Variants in SHISA9 observed in about 807,000 individuals in gnomAD.
SHISA9 encodes the protein protein shisa-9.
SHISA9 carries 13 observed loss-of-function variants against 38.0 expected under a neutral mutation model. That is an observed-to-expected ratio of 0.34 (90% confidence interval 0.22 to 0.54). SHISA9 has a LOEUF of 0.54. Among genes scored for constraint, SHISA9 ranks in the 20% least tolerant of loss-of-function variants. The pLI is 0.91. For missense variants in SHISA9, 538 were observed against 575.8 expected (o/e 0.93, Z 0.67); for synonymous variants, 275 against 242.0 (o/e 1.14, Z -1.27).
intron 2 of SHISA9, among the ~76,000 whole-genome samples, chr16:13,190,831 A>G (rs1268210068): frequency 6.6e-6 from 1 of 151,914 alleles, no homozygotes; most frequent in East Asian, 1.9e-4. Flanking sequence ...TTTTTTTTTT[A>G]AGTTTTCATG....
At chr16:13,254,652 A>G in the SHISA9 span, among the ~76,000 whole-genome samples, 23 of 152,360 alleles carry the variant, frequency 1.5e-4, no homozygotes, top group East Asian at 3.9e-3. Flanking sequence ...TCTTGGCCCC[A>G]CTAATCACCT....
the SHISA9 span, among the ~76,000 whole-genome samples, chr16:13,338,550 G>T: frequency 6.6e-6 from 1 of 152,250 alleles, no homozygotes; most frequent in South Asian, 2.1e-4. Flanking sequence ...GAAGGGTTTG[G>T]GAGATGGCCA....
the SHISA9 span, among the ~76,000 whole-genome samples, chr16:13,360,273 C>T: frequency 3.5e-4 from 54 of 152,318 alleles, no homozygotes; most frequent in East Asian, 1.2e-3. Context: ...TGCTCACTGA[C>T]GGTGTCCCAC....
At chr16:12,982,595 C>T (rs1389369214) in intron 2 of SHISA9, among the ~76,000 whole-genome samples, 2 of 152,168 alleles carry the variant, frequency 1.3e-5, no homozygotes, top group Non-Finnish European at 2.9e-5. Context: ...TATGATAGGT[C>T]AGGCCAACTC....
chr16:13,479,628 A>G, the SHISA9 span, among the ~76,000 whole-genome samples: 1 of 152,302 alleles, frequency 6.6e-6, no homozygotes, highest in South Asian at 2.1e-4. Context: ...TGTTAACTCC[A>G]TAACATGCTA....
At chr16:13,335,140 G>T in the SHISA9 span, among the ~76,000 whole-genome samples, 1 of 152,240 alleles carries the variant, frequency 6.6e-6, no homozygotes, top group Non-Finnish European at 1.5e-5. Context: ...AAAGACCCAT[G>T]AGGTCATCTA....
At chr16:13,540,693 C>T in the SHISA9 span, among the ~76,000 whole-genome samples, 1 of 152,198 alleles carries the variant, frequency 6.6e-6, no homozygotes, top group African/African-American at 2.4e-5. Flanking sequence ...AGACATTCCT[C>T]ATCCTTAAAT....
chr16:13,287,498 A>G, the SHISA9 span, among the ~76,000 whole-genome samples: 1 of 152,194 alleles, frequency 6.6e-6, no homozygotes, highest in Non-Finnish European at 1.5e-5. Context: ...TTTTAGATAG[A>G]ATAGATGTTG....
chr16:13,415,465 A>C, the SHISA9 span, among the ~76,000 whole-genome samples: 1 of 152,220 alleles, frequency 6.6e-6, no homozygotes, highest in Non-Finnish European at 1.5e-5. Context: ...GGAGAAGATC[A>C]GGAAAAATAA....
At position 13,227,853 on chromosome 16, in the gene SHISA9, G is replaced by C. The variant is rs187894309; in HGVS notation, c.896-7177G>C. ...GTGGGTGGAAGAAGGAAAGAAGGGAGACAGAAAAGAAGGCAGCTTGGTTTG... is the reference window on the plus strand; with the variant it reads ...GTGGGTGGAAGAAGGAAAGAAGGGACACAGAAAAGAAGGCAGCTTGGTTTG... On this transcript the variant is annotated intron_variant, in intron 4 of 4. Transcript: ENST00000558583. Among the ~76,000 whole-genome samples the C allele has an allele frequency of 3.5e-3, 538 of 152,324 alleles. 5 individuals are homozygous for C. The highest frequency in any genetic ancestry group is 0.012 in the African/African-American group (514 of 41,572).
chr16:13,080,217 C>T (rs2073632074), intron 2 of SHISA9, among the ~76,000 whole-genome samples: 1 of 152,008 alleles, frequency 6.6e-6, no homozygotes, highest in South Asian at 2.1e-4. Flanking sequence ...ACTAAAAATA[C>T]AAAAAATTAG....
the SHISA9 span, among the ~76,000 whole-genome samples, chr16:13,329,589 G>A: frequency 6.6e-6 from 1 of 152,276 alleles, no homozygotes; most frequent in East Asian, 1.9e-4. Context: ...ATAAGCTGAG[G>A]TGATGTAAAA....
In SHISA9 at chr16:13,240,129, C is replaced by T. The variant is rs1296534637; in HGVS notation, c.*4720C>T. ...TTCCCTTTGCCCTTTCACAGTGTCT[C>T]AGCCTCCATCTGCCTTGGGCTCCGC... On this transcript the variant is annotated 3_prime_UTR_variant, in exon 5 of 5. Coordinates refer to ENST00000558583, the MANE Select transcript of SHISA9 (RefSeq NM_001145204.3). The T allele has an allele frequency of 6.6e-6, 1 of 152,252 alleles. No individual in the cohort carries two copies. Among genetic ancestry groups the T allele is most frequent in the Non-Finnish European group, 1.5e-5 (1 of 68,050 alleles). The allele number at this position is 152,252 out of a possible 1,614,324, so 9.4% of individuals were successfully genotyped here. A position where few individuals can be genotyped will look rare whatever the true frequency, so the allele number is the denominator to read the frequency against.
At position 13,203,381 on chromosome 16, in the gene SHISA9, T is replaced by A. The variant is rs779901060; in HGVS notation, c.692-13T>A. ...CTGTCTGTGACAATCTCCTTCTGTG[T>A]CTTCACTTCCAGATGCCACCCAGAT... On this transcript the variant is annotated splice_polypyrimidine_tract_variant and intron_variant, in intron 2 of 4. Coordinates refer to ENST00000558583, the MANE Select transcript of SHISA9 (RefSeq NM_001145204.3). 6.6e-7 allele frequency: 1 copy of A among 1,517,956 alleles called. No homozygotes were observed. Among genetic ancestry groups the A allele is most frequent in the Non-Finnish European group, 8.8e-7 (1 of 1,133,000 alleles). The allele number at this position is 1,517,956 out of a possible 1,614,324, so 94.0% of individuals were successfully genotyped here. A position where few individuals can be genotyped will look rare whatever the true frequency, so the allele number is the denominator to read the frequency against.
chr16:13,262,670 A>AAGGAAGGAAAGAAGGAAGGGAGGGAGGG, the SHISA9 span, among the ~76,000 whole-genome samples: 1 of 70,714 alleles, frequency 1.4e-5, no homozygotes, highest in African/African-American at 6.4e-5. Context: ...GGAAGGAAGG[A>AAGGAAGGAAAGAAGGAAGGGAGGGAGGG]AGGGAGGGAG....
At chr16:13,252,890 G>A in the SHISA9 span, among the ~76,000 whole-genome samples, 3 of 152,108 alleles carry the variant, frequency 2.0e-5, no homozygotes, top group African/African-American at 7.2e-5. Flanking sequence ...AACAACATGG[G>A]TTTGAACTGT....
rs1429196670 is a variant in SHISA9 at position 13,154,969 on chromosome 16, A to C, written c.692-48425A>C. On this transcript the variant is annotated intron_variant, in intron 2 of 4. Coordinates refer to ENST00000558583, the MANE Select transcript of SHISA9 (RefSeq NM_001145204.3). Reference sequence around the variant, plus strand: ...CCTCTCTAGACATCACTCATGGTACACATGGCTGCTCAGATTGTAGATGAT... The same window carrying C: ...CCTCTCTAGACATCACTCATGGTACCCATGGCTGCTCAGATTGTAGATGAT... Among the ~76,000 whole-genome samples, 3 of 152,238 alleles carry C rather than the reference A, an allele frequency of 2.0e-5. No individual in the cohort carries two copies. In the East Asian group the frequency reaches 5.8e-4, roughly 29 times the overall value.
intron 2 of SHISA9, among the ~76,000 whole-genome samples, chr16:13,059,214 C>G (rs760738459): frequency 5.3e-5 from 8 of 150,384 alleles, no homozygotes; most frequent in Non-Finnish European, 1.0e-4. Flanking sequence ...TGCAAGCTCC[C>G]CCTCCCGGGT....
rs541294467 is a variant in SHISA9 at position 13,054,065 on chromosome 16, A to C, written c.691+137250A>C. Among the ~76,000 whole-genome samples, 11 of 152,202 alleles carry C rather than the reference A, an allele frequency of 7.2e-5. 1 individual carries two copies. In the South Asian group the frequency reaches 1.9e-3, roughly 26 times the overall value. ...TTCTTTAAAGCCCACATCAATCCTG[A>C]AATTATTTTGTTCACATATGAATTT... On this transcript the variant is annotated intron_variant, in intron 2 of 4. Transcript: ENST00000558583.
Sources: allele counts gnomAD v4.1 joint callset (sites outside exome capture counted in the v4.1 genomes callset), GRCh38; gene constraint gnomAD v4.1.1; transcripts MANE v1.5; gene names NCBI Gene and HGNC (gene_info 2026-07-23, HGNC 2026-07-21).